Variants in UGGT1 observed in about 807,000 individuals in gnomAD.
UGGT1 encodes the protein UDP-glucose glycoprotein glucosyltransferase 1, also known as UDP-glucose:glycoprotein glucosyltransferase 1.
A neutral mutation model predicts 203.9 loss-of-function variants in UGGT1; 107 were observed. The observed-to-expected ratio is 0.52, with a 90% CI of 0.45 to 0.62. The LOEUF (loss-of-function observed/expected upper bound fraction) is 0.62, where lower values mean the gene tolerates loss of function less well. Ranked by LOEUF, UGGT1 falls within the 20% of genes least tolerant of loss-of-function variation. The probability of loss-of-function intolerance (pLI) is 0.00; values close to 1 mark genes in which losing one functional copy is unlikely to be tolerated. For missense variants in UGGT1, 1,673 were observed against 1,867.2 expected (o/e 0.90, Z 1.92); for synonymous variants, 628 against 653.5 (o/e 0.96, Z 0.59).
rs1422789861 is a variant in UGGT1 at position 128,103,998 on chromosome 2, A to C, written c.261A>C (p.Gly87=). 6.3e-7 allele frequency: 1 copy of C among 1,588,100 alleles called. No homozygotes were observed. The highest frequency in any genetic ancestry group is 8.5e-7 in the Non-Finnish European group (1 of 1,172,464). The change falls in exon 3 of 41, where the codon GGA becomes GGC. Residue 87 remains glycine (G), a synonymous_variant. Transcript: ENST00000259253. ...WNFVEASQNI[G]SSDHDGTDYS... is the part of the protein sequence containing the mutation. ...TTGTAGAAGCCAGTCAAAATATTGG[A>C]TCATCAGATCATGACGGTAAAATTG... is the stretch of plus-strand genomic sequence containing the variant.
rs573640995 is a variant in UGGT1, at chr2:128,172,910, A to G, written c.3294+148A>G. ...TATTCACATGGAACTCATATACCAT[A>G]AAATTCTCCCCATTAACGTGTACAG... is the stretch of plus-strand genomic sequence containing the variant. On this transcript the variant is annotated intron_variant, in intron 29 of 40. Transcript: ENST00000259253. 1.2e-4 allele frequency: 89 copies of G among 743,866 alleles called. No individual in the cohort carries two copies. The African/African-American group carries it at 1.5e-3, about 12-fold the overall frequency. The allele number at this position is 743,866 out of a possible 1,614,324, so 46.1% of individuals were successfully genotyped here.
In UGGT1 at chr2:128,189,431, C is replaced by T. The variant is rs59368237; in HGVS notation, c.4643-286C>T. Among the ~76,000 whole-genome samples the T allele has an allele frequency of 4.2e-3, 634 of 152,118 alleles. 6 individuals are homozygous for T. Among genetic ancestry groups the T allele is most frequent in the African/African-American group, 0.013 (545 of 41,510 alleles). The stretch of plus-strand genomic sequence containing the variant: ...CTATTAAATGATAAAAGAAAAATCC[C>T]GACTAAAAAAATGCATGCAACGTTT... On this transcript the variant is annotated intron_variant, in intron 40 of 40. Coordinates refer to ENST00000259253, the MANE Select transcript of UGGT1 (RefSeq NM_020120.4).
At chr2:128,146,591 T>C (rs1445518577) in intron 18 of UGGT1, among the ~76,000 whole-genome samples, 2 of 152,048 alleles carry the variant, frequency 1.3e-5, no homozygotes, top group African/African-American at 4.8e-5. Context: ...TCTTGAGATA[T>C]AATTCAGACA....
At chr2:128,157,399 C>A (rs1690291437) in intron 22 of UGGT1, 53 bp downstream of exon 22, 1 of 1,470,486 alleles carries the variant, frequency 6.8e-7, no homozygotes, top group Non-Finnish European at 9.5e-7. Flanking sequence ...TAGTTGTCTT[C>A]ATGGGCTTCG....
intron 2 of UGGT1, among the ~76,000 whole-genome samples, chr2:128,102,145 A>AT (rs147199229): frequency 0.16 from 23,270 of 146,458 alleles, 1,953 homozygotes; most frequent in Non-Finnish European, 0.2. Flanking sequence ...TAAAATCATA[A>AT]TTTTTTTTTT....
At chr2:128,130,090 G>A (rs59475302) in intron 13 of UGGT1, among the ~76,000 whole-genome samples, 2 of 151,884 alleles carry the variant, frequency 1.3e-5, no homozygotes, top group Admixed American at 6.6e-5. Flanking sequence ...GTGAAACCCC[G>A]TCTGTACTCA....
At chr2:128,094,100 C>T (rs370471821) in intron 1 of UGGT1, among the ~76,000 whole-genome samples, 19 of 152,274 alleles carry the variant, frequency 1.2e-4, no homozygotes, top group Middle Eastern at 3.4e-3. Flanking sequence ...AGTGCAGTGG[C>T]GTCCAATTCG....
chr2:128,101,055 C>T (rs930920044), intron 2 of UGGT1, among the ~76,000 whole-genome samples: 1 of 151,992 alleles, frequency 6.6e-6, no homozygotes, highest in African/African-American at 2.4e-5. Flanking sequence ...GCTACATTTG[C>T]CCTTTTGGTT....
chr2:128,135,058 T>C (rs1000964951), intron 15 of UGGT1, 97 bp downstream of exon 15: 2 of 1,030,234 alleles, frequency 1.9e-6, no homozygotes. Context: ...TGTAGGATAA[T>C]TAATAGTGCA....
At chr2:128,166,371 C>T (rs142076681) in intron 26 of UGGT1, among the ~76,000 whole-genome samples, 3 of 152,194 alleles carry the variant, frequency 2.0e-5, no homozygotes, top group African/African-American at 7.2e-5. Flanking sequence ...CCTGATGTAA[C>T]ATGTCTGACG....
intron 40 of UGGT1, among the ~76,000 whole-genome samples, chr2:128,188,373 T>A (rs1692099440): frequency 6.6e-6 from 1 of 152,084 alleles, no homozygotes; most frequent in South Asian, 2.1e-4. Flanking sequence ...ACAAGCATGT[T>A]GGGATGGAGA....
Position 128,104,013 on chromosome 2 carries a change from CG to C in UGGT1, c.277+1del. The C allele has an allele frequency of 1.9e-6, 3 of 1,553,166 alleles. No individual in the cohort carries two copies. The highest frequency in any genetic ancestry group is 1.7e-6 in the Non-Finnish European group (2 of 1,157,814). On this transcript the variant is annotated frameshift_variant and splice_region_variant, in exon 3 of 41. Transcript: ENST00000259253. LOFTEE classifies it high-confidence loss of function. ...AAAATATTGGATCATCAGATCATGA[CG>C]GTAAAATTGAAGCAAATGCTTCTTT... Reference protein sequence around the residue: ...SQNIGSSDHDGTDYSYYHAIL... With the variant: ...SQNIGSSDHDXTDYSYYHAIL...
chr2:128,157,292 G>C lies in UGGT1; in HGVS notation c.2301G>C (p.Gly767=), dbSNP rs199996529. The part of the protein sequence containing the change: ...FIRPVTFWIV[G]DFDSPSGRQL... ...GGCCAGTAACTTTTTGGATTGTTGGGGATTTTGATAGCCCTTCTGGACGGC... is the reference window on the plus strand; with the variant it reads ...GGCCAGTAACTTTTTGGATTGTTGGCGATTTTGATAGCCCTTCTGGACGGC... The change falls in exon 22 of 41, where the codon GGG becomes GGC. Residue 767 remains glycine (G), a synonymous_variant. Transcript: ENST00000259253. 1.2e-5 allele frequency: 20 copies of C among 1,613,962 alleles called. No individual in the cohort carries two copies. The African/African-American group carries it at 1.7e-4, about 14-fold the overall frequency.
In UGGT1 at chr2:128,176,859, C is replaced by T. The variant is rs754717348; in HGVS notation, c.3585C>T (p.Ile1195=). The T allele has an allele frequency of 3.7e-6, 6 of 1,614,114 alleles. No individual in the cohort carries two copies. The highest frequency in any genetic ancestry group is 3.3e-5 in the South Asian group (3 of 91,074). The change falls in exon 32 of 41, where the codon ATC becomes ATT. Residue 1195 remains isoleucine (I), a synonymous_variant. Transcript: ENST00000259253. ...DSPPDADEVV[I]VLNNFKSKII... is the part of the protein sequence containing the mutation. Reference sequence around the variant, plus strand: ...CCCCTGATGCTGATGAGGTGGTTATCGTCCTCAACAACTTCAAAAGCAAAA... The same window carrying T: ...CCCCTGATGCTGATGAGGTGGTTATTGTCCTCAACAACTTCAAAAGCAAAA...
intron 10 of UGGT1, 137 bp downstream of exon 10, chr2:128,121,435 C>T: frequency 1.7e-6 from 1 of 584,662 alleles, no homozygotes; most frequent in Non-Finnish European, 2.7e-6. Flanking sequence ...GATGGAGTCT[C>T]ACTCTTGTTG....
At chr2:128,104,237 C>T (rs10928804) in intron 3 of UGGT1, among the ~76,000 whole-genome samples, 135,598 of 152,240 alleles carry the variant, frequency 0.89, 61,374 homozygotes, top group Non-Finnish European at 0.98. Flanking sequence ...TTTTTCCCCT[C>T]TTGTTTTTGT....
chr2:128,173,187 CATGCTGTAGTATGT>C (rs1465381691), intron 29 of UGGT1, among the ~76,000 whole-genome samples: 1 of 152,216 alleles, frequency 6.6e-6, no homozygotes, highest in Non-Finnish European at 1.5e-5. Flanking sequence ...AAGATCCATC[CATGCTGTAGTATGT>C]ATCGACGCTT....
At chr2:128,133,018 C>T (rs1211375012) in intron 13 of UGGT1, 123 bp from the exon 14 acceptor site, 10 of 1,263,026 alleles carry the variant, frequency 7.9e-6, no homozygotes, top group Non-Finnish European at 1.1e-5. Context: ...ATCTTTTTAT[C>T]TTTGAAAATG....
At chr2:128,161,877 T>C (rs894459844) in intron 25 of UGGT1, among the ~76,000 whole-genome samples, 5 of 152,236 alleles carry the variant, frequency 3.3e-5, no homozygotes, top group African/African-American at 1.2e-4. Context: ...AAATATCAAA[T>C]GACTATGTAG....
Sources: allele counts gnomAD v4.1 joint callset (sites outside exome capture counted in the v4.1 genomes callset), GRCh38; gene constraint gnomAD v4.1.1; transcripts MANE v1.5; gene names NCBI Gene and HGNC (gene_info 2026-07-23, HGNC 2026-07-21).